CCNY: variants seen among roughly 807,000 people sequenced by gnomAD.
CCNY encodes cyclin-Y.
Under a neutral mutation model 42.8 loss-of-function variants are expected in CCNY, and 19 were observed. That is an observed-to-expected ratio of 0.44 (90% CI 0.31 to 0.65). The LOEUF (loss-of-function observed/expected upper bound fraction) is 0.65. Among genes scored for constraint, CCNY ranks in the 30% least tolerant of loss-of-function variants. The pLI is 0.07. For synonymous variants in CCNY, 165 were observed against 162.7 expected, an observed-to-expected ratio of 1.01 and a Z score of -0.11; for missense variants, 370 against 437.3, an observed-to-expected ratio of 0.85 and a Z score of 1.37.
At chr10:35,278,108 C>G (rs970287972) in intron 3 of CCNY, among the ~76,000 whole-genome samples, 1 of 152,038 alleles carries the variant, frequency 6.6e-6, no homozygotes, top group African/African-American at 2.4e-5. Context: ...AGATGGATGA[C>G]GTCGGGAGAA....
At chr10:35,319,624 C>T (rs1835798741) in intron 3 of CCNY, among the ~76,000 whole-genome samples, 2 of 151,982 alleles carry the variant, frequency 1.3e-5, no homozygotes, top group South Asian at 4.2e-4. Context: ...ACTTGTAATC[C>T]CAGCACTTTG....
At chr10:35,363,676 G>A (rs569737860) in intron 1 of CCNY, among the ~76,000 whole-genome samples, 10 of 152,118 alleles carry the variant, frequency 6.6e-5, no homozygotes, top group Non-Finnish European at 1.5e-4. Flanking sequence ...TTGTCACTCC[G>A]CCCCACGACC....
intron 1 of CCNY, among the ~76,000 whole-genome samples, chr10:35,343,382 C>CTTTTTTTTTT (rs9299720): frequency 9.3e-5 from 8 of 85,902 alleles, no homozygotes; most frequent in Admixed American, 1.5e-4. Flanking sequence ...AGCTGATGGT[C>CTTTTTTTTTT]TTTTTTTTTT....
At chr10:35,479,400 T>C (rs1417986024) in intron 1 of CCNY, among the ~76,000 whole-genome samples, 2 of 141,756 alleles carry the variant, frequency 1.4e-5, no homozygotes, top group Admixed American at 1.4e-4. Context: ...ATGTGGCACA[T>C]ATACACCATG....
At chr10:35,262,507 C>T (rs1307298095) in intron 3 of CCNY, among the ~76,000 whole-genome samples, 4 of 151,620 alleles carry the variant, frequency 2.6e-5, no homozygotes, top group Admixed American at 6.6e-5. Flanking sequence ...TACAGGTGCA[C>T]GCCACCACAC....
intron 1 of CCNY, among the ~76,000 whole-genome samples, chr10:35,420,742 G>A (rs1300290427): frequency 1.3e-5 from 2 of 152,138 alleles, no homozygotes; most frequent in East Asian, 1.9e-4. Flanking sequence ...TTTTCAAACC[G>A]CAAAAACAGA....
intron 7 of CCNY, among the ~76,000 whole-genome samples, chr10:35,536,372 A>G (rs187321729): frequency 6.6e-6 from 1 of 152,256 alleles, no homozygotes; most frequent in African/African-American, 2.4e-5. Flanking sequence ...CAGTGTGAAA[A>G]TGGACTAACA....
intron 2 of CCNY, among the ~76,000 whole-genome samples, chr10:35,497,034 C>T (rs1369666892): frequency 6.6e-6 from 1 of 152,174 alleles, no homozygotes; most frequent in East Asian, 1.9e-4. Context: ...TGGACTGTCA[C>T]TGTAGCCAAT....
At chr10:35,435,254 CACTT>C (rs1374089428) in intron 1 of CCNY, among the ~76,000 whole-genome samples, 1 of 152,202 alleles carries the variant, frequency 6.6e-6, no homozygotes, top group Non-Finnish European at 1.5e-5. Context: ...CAGGGTAAGA[CACTT>C]ACACTTACCT....
intron 3 of CCNY, among the ~76,000 whole-genome samples, chr10:35,317,792 C>T (rs1011487552): frequency 1.3e-5 from 2 of 152,140 alleles, no homozygotes; most frequent in Admixed American, 1.3e-4. Context: ...CTTCAAATAT[C>T]GCAGTCAATG....
intron 3 of CCNY, among the ~76,000 whole-genome samples, chr10:35,506,236 G>T (rs1189822349): frequency 6.6e-6 from 1 of 152,122 alleles, no homozygotes; most frequent in African/African-American, 2.4e-5. Flanking sequence ...CTTTTACTTT[G>T]AAATAATTTC....
intron 3 of CCNY, among the ~76,000 whole-genome samples, chr10:35,326,895 A>G (rs886362711): frequency 6.6e-6 from 1 of 151,990 alleles, no homozygotes; most frequent in Non-Finnish European, 1.5e-5. Flanking sequence ...TCTTAAAACA[A>G]ACAAACAAAC....
intron 1 of CCNY, among the ~76,000 whole-genome samples, chr10:35,460,873 A>G (rs554375855): frequency 6.6e-6 from 1 of 152,354 alleles, no homozygotes; most frequent in Admixed American, 6.5e-5. Flanking sequence ...GCTCCATGCC[A>G]AGCACTGTAC....
upstream of CCNY, among the ~76,000 whole-genome samples, chr10:35,334,345 G>A (rs1835984088): frequency 1.3e-5 from 2 of 152,220 alleles, no homozygotes; most frequent in Non-Finnish European, 2.9e-5. Flanking sequence ...CCAATGACTG[G>A]ATGCTGACTT....
intron 7 of CCNY, among the ~76,000 whole-genome samples, chr10:35,545,803 A>G (rs968327835): frequency 6.6e-6 from 1 of 152,226 alleles, no homozygotes; most frequent in Non-Finnish European, 1.5e-5. Context: ...TTAATTTATT[A>G]ACCTATATTA....
Position 35,571,800 on chromosome 10 carries a change from T to G in CCNY, c.*2630T>G, listed in dbSNP as rs1398753418. 6.6e-6 allele frequency: 1 copy of G among 152,310 alleles called. No homozygotes were observed. Among genetic ancestry groups the G allele is most frequent in the Non-Finnish European group, 1.5e-5 (1 of 68,020 alleles). 9.4% of individuals were successfully genotyped at this position (152,310 alleles called of 1,614,324 possible). On this transcript the variant is annotated 3_prime_UTR_variant, in exon 10 of 10. Coordinates refer to ENST00000374704, the MANE Select transcript of CCNY (RefSeq NM_145012.6). Reference sequence around the variant, plus strand: ...AGCTGGATTACTATTGAGGAACACATTGTCTTAGTGTAGTTTTTGAATGGA... The same window carrying G: ...AGCTGGATTACTATTGAGGAACACAGTGTCTTAGTGTAGTTTTTGAATGGA...
chr10:35,492,903 C>G (rs967918440), intron 2 of CCNY, among the ~76,000 whole-genome samples: 12 of 152,130 alleles, frequency 7.9e-5, no homozygotes, highest in African/African-American at 2.7e-4. Context: ...TGTATTTGGG[C>G]TTTCCTATTC....
chr10:35,541,335 T>G (rs141454196), intron 7 of CCNY, among the ~76,000 whole-genome samples: 2,013 of 152,288 alleles, frequency 0.013, 30 homozygotes, highest in South Asian at 0.042. Flanking sequence ...AATTATATAA[T>G]GTACATAATT....
chr10:35,549,242 GT>G (rs1841189789), intron 7 of CCNY, among the ~76,000 whole-genome samples: 2 of 152,132 alleles, frequency 1.3e-5, no homozygotes, highest in Non-Finnish European at 2.9e-5. Flanking sequence ...GAAGCTTCTG[GT>G]TGCTTTGGGG....
Sources: gnomAD v4.1 joint callset for allele counts (sites outside exome capture counted in the v4.1 genomes callset) on GRCh38, gnomAD v4.1.1 for gene constraint, MANE v1.5 for transcripts, NCBI Gene and HGNC (gene_info 2026-07-23, HGNC 2026-07-21) for gene names.